Variants in PLEKHG7 observed in about 807,000 individuals in gnomAD.
PLEKHG7 encodes pleckstrin homology domain-containing family G member 7.
A neutral mutation model predicts 85.2 loss-of-function variants in PLEKHG7; 77 were observed. The observed-to-expected ratio is 0.90, with a 90% confidence interval of 0.75 to 1.09. The LOEUF (loss-of-function observed/expected upper bound fraction) is 1.09. Among genes scored for constraint, PLEKHG7 ranks in the 50% least tolerant of loss-of-function variants. The pLI is 0.00. For missense variants in PLEKHG7, 777 were observed against 804.3 expected (o/e 0.97, Z 0.41); for synonymous variants, 301 against 302.4 (o/e 1.00, Z 0.05).
intron 15 of PLEKHG7, among the ~76,000 whole-genome samples, chr12:92,767,992 G>T (rs142947332): frequency 6.6e-6 from 1 of 152,194 alleles, no homozygotes; most frequent in African/African-American, 2.4e-5. Context: ...GGATCATGAG[G>T]TTAGGAGTTC....
At chr12:92,763,511 T>A (rs1365068835) in intron 14 of PLEKHG7, among the ~76,000 whole-genome samples, 1 of 152,146 alleles carries the variant, frequency 6.6e-6, no homozygotes, top group African/African-American at 2.4e-5. Flanking sequence ...GTAATGAAAC[T>A]TGGAGATCAG....
At chr12:92,713,197 C>T (rs986155603) in intron 3 of PLEKHG7, among the ~76,000 whole-genome samples, 5 of 152,202 alleles carry the variant, frequency 3.3e-5, no homozygotes, top group Admixed American at 1.3e-4. Context: ...CCTGGCCTTC[C>T]CTTTATTCAA....
intron 4 of PLEKHG7, among the ~76,000 whole-genome samples, chr12:92,730,825 G>A (rs1871970518): frequency 6.6e-6 from 1 of 152,206 alleles, no homozygotes; most frequent in South Asian, 2.1e-4. Flanking sequence ...CTCACTAGCT[G>A]TTATTTTTGT....
At chr12:92,719,752 T>C (rs889686095) in intron 3 of PLEKHG7, among the ~76,000 whole-genome samples, 6 of 152,222 alleles carry the variant, frequency 3.9e-5, no homozygotes, top group African/African-American at 1.4e-4. Context: ...AGGAATCTTT[T>C]AAAAATGTAA....
In PLEKHG7 at chr12:92,706,925, G is replaced by A; in HGVS notation, c.294G>A (p.Leu98=). The part of the protein sequence containing the change: ...LPGSPKDSSH[L]LSPLRLHSRL... ...GAAGCCCAAAGGATTCTTCACACTT[G>A]CTGTCACCCTTGAGACTCCACTCAA... is the stretch of plus-strand genomic sequence containing the variant. Residue 98 remains leucine (L), a synonymous_variant, in exon 2 of 17, where the codon TTG becomes TTA. Transcript: ENST00000344636. The A allele has an allele frequency of 6.2e-7, 1 of 1,614,082 alleles. No individual in the cohort carries two copies. Among genetic ancestry groups the A allele is most frequent in the Non-Finnish European group, 8.5e-7 (1 of 1,180,010 alleles).
At chr12:92,740,827 A>ATG in intron 7 of PLEKHG7, 26 bp from the exon 8 acceptor site, 1 of 1,467,388 alleles carries the variant, frequency 6.8e-7, no homozygotes, top group Non-Finnish European at 9.4e-7. Context: ...ACAGAAATTA[A>ATG]TGTGTATATA....
intron 7 of PLEKHG7, among the ~76,000 whole-genome samples, chr12:92,738,647 G>A (rs1003474194): frequency 1.3e-5 from 2 of 152,206 alleles, no homozygotes; most frequent in Admixed American, 6.5e-5. Context: ...TACAAAAACA[G>A]GTGGCAGGCC....
intron 5 of PLEKHG7, among the ~76,000 whole-genome samples, chr12:92,736,108 G>A (rs1449166268): frequency 6.6e-6 from 1 of 152,086 alleles, no homozygotes; most frequent in Non-Finnish European, 1.5e-5. Context: ...ACCTTCTGAT[G>A]TTAATAAATC....
At chr12:92,765,123 A>AGAGT (rs1873153517) in intron 15 of PLEKHG7, among the ~76,000 whole-genome samples, 1 of 152,170 alleles carries the variant, frequency 6.6e-6, no homozygotes, top group African/African-American at 2.4e-5. Flanking sequence ...GAAACCTTAA[A>AGAGT]GAGTGAATGA....
Position 92,706,932 on chromosome 12 carries a change from C to T in PLEKHG7, c.301C>T (p.Pro101Ser), listed in dbSNP as rs1002494115. Residue 101 changes from proline to serine, a missense_variant, in exon 2 of 17, where the codon CCC (proline) becomes TCC (serine). Pro to Ser is a moderately conservative substitution (Grantham distance 74). Transcript: ENST00000344636. ...SPKDSSHLLS[P>S]LRLHSRLTSE... ...AAAGGATTCTTCACACTTGCTGTCA[C>T]CCTTGAGACTCCACTCAAGATTGAC... is the stretch of plus-strand genomic sequence containing the variant. The T allele has an allele frequency of 9.9e-6, 16 of 1,614,044 alleles. No individual in the cohort carries two copies. In the African/African-American group the frequency reaches 2.1e-4, roughly 22 times the overall value.
chr12:92,768,697 A>T (rs1017121220), intron 15 of PLEKHG7, among the ~76,000 whole-genome samples: 6 of 152,172 alleles, frequency 3.9e-5, no homozygotes, highest in African/African-American at 1.4e-4. Flanking sequence ...TTCTACGAGC[A>T]GGGGCCCCAT....
rs943848590 is a variant in PLEKHG7 at position 92,706,542 on chromosome 12, G to A, written c.-90G>A. The stretch of plus-strand genomic sequence containing the variant: ...ACGAGAGGAAGCATGGCACTTGGAT[G>A]CAGAAATTGAGCACCCTCCATGTGA... On this transcript the variant is annotated 5_prime_UTR_variant, in exon 2 of 17. It removes an upstream start codon present in the reference 5' UTR. Coordinates refer to ENST00000344636, the MANE Select transcript of PLEKHG7 (RefSeq NM_001377329.1). 2.8e-6 allele frequency: 4 copies of A among 1,448,752 alleles called. No homozygotes were observed. The highest frequency in any genetic ancestry group is 3.7e-6 in the Non-Finnish European group (4 of 1,086,184). The allele number at this position is 1,448,752 out of a possible 1,614,324, so 89.7% of individuals were successfully genotyped here. A position where few individuals can be genotyped will look rare whatever the true frequency, so the allele number is the denominator to read the frequency against.
intron 3 of PLEKHG7, chr12:92,721,445 A>C: frequency 8.1e-7 from 1 of 1,230,934 alleles, no homozygotes. Flanking sequence ...TTCTGGTACC[A>C]GAAGGGAGAC....
chr12:92,710,484 G>C (rs78090966), intron 3 of PLEKHG7, among the ~76,000 whole-genome samples: 281 of 152,300 alleles, frequency 1.8e-3, no homozygotes, highest in African/African-American at 6.6e-3. Context: ...GGCATTCCAT[G>C]AGCCCACAGA....
intron 15 of PLEKHG7, 60 bp downstream of exon 15, chr12:92,764,254 C>T: frequency 6.8e-7 from 1 of 1,466,996 alleles, no homozygotes; most frequent in Non-Finnish European, 9.2e-7. Flanking sequence ...TTTATATTGG[C>T]CTTTCTTGGT....
chr12:92,734,896 C>T (rs1425049861), intron 5 of PLEKHG7, among the ~76,000 whole-genome samples: 2 of 152,206 alleles, frequency 1.3e-5, no homozygotes, highest in Non-Finnish European at 2.9e-5. Flanking sequence ...TATCCTCTCT[C>T]GTAACCTTCA....
chr12:92,722,441 A>C (rs2136583735), intron 3 of PLEKHG7, among the ~76,000 whole-genome samples: 1 of 152,276 alleles, frequency 6.6e-6, no homozygotes, highest in Admixed American at 6.5e-5. Flanking sequence ...ATTTCATGCC[A>C]CAGAAATTTT....
rs569273789 is a variant in PLEKHG7 at position 92,745,451 on chromosome 12, C to A, written c.1138-27C>A. ...AATGCTCTCCTTAACTTGTGTTCAT[C>A]CTCCTTCTGCTCTTCCTTTCTTGCA... is the stretch of plus-strand genomic sequence containing the variant. On this transcript the variant is annotated intron_variant, in intron 9 of 16. Transcript: ENST00000344636. 3.4e-6 allele frequency: 5 copies of A among 1,471,906 alleles called. No individual in the cohort carries two copies. The South Asian group carries it at 5.7e-5, about 17-fold the overall frequency. The allele number at this position is 1,471,906 out of a possible 1,614,324, so 91.2% of individuals were successfully genotyped here.
intron 13 of PLEKHG7, among the ~76,000 whole-genome samples, chr12:92,761,196 A>G (rs1872978800): frequency 6.6e-6 from 1 of 152,218 alleles, no homozygotes; most frequent in Non-Finnish European, 1.5e-5. Context: ...AGCATAATTC[A>G]TAGCAGTGAG....
Sources: allele counts gnomAD v4.1 joint callset (sites outside exome capture counted in the v4.1 genomes callset), GRCh38; gene constraint gnomAD v4.1.1; transcripts MANE v1.5; gene names NCBI Gene and HGNC (gene_info 2026-07-23, HGNC 2026-07-21).